CDKAL1: variants seen among roughly 807,000 people sequenced by gnomAD.
The protein encoded by CDKAL1 is threonylcarbamoyladenosine tRNA methylthiotransferase.
In CDKAL1, 32 loss-of-function variants were observed where a neutral mutation model predicts 68.2. The observed-to-expected ratio is 0.47, with a 90% CI of 0.35 to 0.63. CDKAL1 has a LOEUF of 0.63. Among genes scored for constraint, CDKAL1 ranks in the 30% least tolerant of loss-of-function variants. CDKAL1 has a pLI of 0.00. For synonymous variants in CDKAL1, 234 were observed against 244.3 expected (o/e 0.96, Z 0.39); for missense variants, 606 against 696.7 (o/e 0.87, Z 1.47).
rs36078234 is a variant in CDKAL1, at chr6:20,999,663, T to TAAAAAAAAA, written c.910-548_910-540dup. ...TACTCAAAAAATATGTGACTGAAATTAAAAAAAAAAAAAAAAAAAAAAAAG... is the reference window on the plus strand; with the variant it reads ...TACTCAAAAAATATGTGACTGAAATTAAAAAAAAAAAAAAAAAAAAAAAAAAAAAAAAAG... On this transcript the variant is annotated intron_variant, in intron 10 of 15. Coordinates refer to ENST00000274695, the MANE Select transcript of CDKAL1 (RefSeq NM_017774.3). 4.6e-4 allele frequency among the ~76,000 whole-genome samples: 43 copies of TAAAAAAAAA among 93,324 alleles called. 1 individual carries two copies. The highest frequency in any genetic ancestry group is 5.3e-4 in the Non-Finnish European group (26 of 49,252). 61.2% of individuals were successfully genotyped at this position (93,324 alleles called of 152,430 possible). A position where few individuals can be genotyped will look rare whatever the true frequency, so the allele number is the denominator to read the frequency against.
chr6:20,918,552 CA>C (rs1224355588), intron 9 of CDKAL1, among the ~76,000 whole-genome samples: 1 of 152,150 alleles, frequency 6.6e-6, no homozygotes, highest in Non-Finnish European at 1.5e-5. Context: ...TTGTACATCA[CA>C]AAAAGCATGA....
At chr6:20,553,169 AT>A (rs1210720337) in intron 4 of CDKAL1, among the ~76,000 whole-genome samples, 4 of 152,182 alleles carry the variant, frequency 2.6e-5, no homozygotes, top group African/African-American at 9.7e-5. Flanking sequence ...TGTATTTGAA[AT>A]TGCTGCTTTT....
At chr6:21,003,995 A>AC in intron 11 of CDKAL1, among the ~76,000 whole-genome samples, 1 of 152,326 alleles carries the variant, frequency 6.6e-6, no homozygotes, top group Non-Finnish European at 1.5e-5. Context: ...TGTGCCTTTA[A>AC]CAAATAAGTC....
intron 4 of CDKAL1, among the ~76,000 whole-genome samples, chr6:20,578,626 A>G (rs566833595): frequency 6.6e-6 from 1 of 152,280 alleles, no homozygotes; most frequent in Non-Finnish European, 1.5e-5. Flanking sequence ...TTCCACAGCA[A>G]CTCACATATA....
At chr6:21,060,477 C>A (rs1301571791) in intron 11 of CDKAL1, among the ~76,000 whole-genome samples, 1 of 151,974 alleles carries the variant, frequency 6.6e-6, no homozygotes, top group East Asian at 1.9e-4. Flanking sequence ...TGACTTTTTT[C>A]AAAGATGTAC....
At chr6:20,548,551 T>A in intron 3 of CDKAL1, 42 bp from the exon 4 acceptor site, 1 of 887,886 alleles carries the variant, frequency 1.1e-6, no homozygotes, top group Non-Finnish European at 1.9e-6. Context: ...AAAAAATCAC[T>A]CAATGAAACT....
At chr6:21,116,598 G>A (rs367988086) in intron 13 of CDKAL1, among the ~76,000 whole-genome samples, 10 of 151,964 alleles carry the variant, frequency 6.6e-5, no homozygotes, top group African/African-American at 2.4e-4. Context: ...GGACAGGTGG[G>A]GTCACAGTGC....
At chr6:20,655,775 C>T (rs924613564) in intron 5 of CDKAL1, among the ~76,000 whole-genome samples, 1 of 152,174 alleles carries the variant, frequency 6.6e-6, no homozygotes, top group East Asian at 1.9e-4. Flanking sequence ...CGCTGCTTTA[C>T]ACATTCCACG....
At chr6:20,922,619 A>G (rs1488562599) in intron 9 of CDKAL1, among the ~76,000 whole-genome samples, 1 of 152,240 alleles carries the variant, frequency 6.6e-6, no homozygotes, top group Non-Finnish European at 1.5e-5. Context: ...TGCAATCATT[A>G]TTAAGCTTTA....
intron 5 of CDKAL1, among the ~76,000 whole-genome samples, chr6:20,660,846 G>A (rs1769252869): frequency 6.6e-6 from 1 of 152,092 alleles, no homozygotes; most frequent in Non-Finnish European, 1.5e-5. Context: ...TTTATGTTAA[G>A]TACATTGTAA....
chr6:20,957,008 T>TAAAAAAAAA (rs70990087), intron 10 of CDKAL1, among the ~76,000 whole-genome samples: 29 of 113,786 alleles, frequency 2.5e-4, no homozygotes, highest in Middle Eastern at 4.7e-3. Flanking sequence ...TGATTCTCTG[T>TAAAAAAAAA]AAAAAAAAAA....
intron 4 of CDKAL1, among the ~76,000 whole-genome samples, chr6:20,644,689 A>G (rs908029491): frequency 4.9e-5 from 7 of 142,498 alleles, no homozygotes; most frequent in African/African-American, 1.9e-4. Context: ...AAAAACAAAA[A>G]CACAACAAAA....
At chr6:21,020,288 C>T (rs1768574721) in intron 11 of CDKAL1, among the ~76,000 whole-genome samples, 1 of 151,988 alleles carries the variant, frequency 6.6e-6, no homozygotes, top group African/African-American at 2.4e-5. Context: ...TTCCGTGGCA[C>T]CACCTGGCTG....
At chr6:20,980,025 G>A (rs1581954040) in intron 10 of CDKAL1, among the ~76,000 whole-genome samples, 1 of 152,018 alleles carries the variant, frequency 6.6e-6, no homozygotes, top group Non-Finnish European at 1.5e-5. Context: ...ACCCTCCTGA[G>A]CCTCCAAAGT....
intron 10 of CDKAL1, among the ~76,000 whole-genome samples, chr6:20,981,988 TA>T (rs774840525): frequency 5.9e-5 from 9 of 152,204 alleles, no homozygotes; most frequent in Non-Finnish European, 1.2e-4. Flanking sequence ...TTTGAAACAT[TA>T]AAAAGTCAGA....
chr6:20,537,367 G>A (rs893180293), intron 2 of CDKAL1, among the ~76,000 whole-genome samples: 3 of 152,194 alleles, frequency 2.0e-5, no homozygotes, highest in African/African-American at 7.2e-5. Flanking sequence ...AGCACTTTGG[G>A]AGGCCAAGGC....
At chr6:21,187,787 G>A (rs572824439) in intron 13 of CDKAL1, among the ~76,000 whole-genome samples, 15 of 151,842 alleles carry the variant, frequency 9.9e-5, no homozygotes, top group South Asian at 2.1e-4. Flanking sequence ...TTTTTGTGTC[G>A]TCAGTGAAAC....
chr6:21,045,477 T>G (rs1770174825), intron 11 of CDKAL1, among the ~76,000 whole-genome samples: 1 of 152,178 alleles, frequency 6.6e-6, no homozygotes, highest in African/African-American at 2.4e-5. Context: ...TATTAACATT[T>G]CTACTCCCGT....
intron 10 of CDKAL1, among the ~76,000 whole-genome samples, chr6:20,992,819 T>A (rs563838338): frequency 6.6e-5 from 10 of 151,734 alleles, no homozygotes; most frequent in Admixed American, 1.3e-4. Context: ...GGAGGATCAC[T>A]TGAGGTGAGG....
Sources: allele counts gnomAD v4.1 joint callset (sites outside exome capture counted in the v4.1 genomes callset), GRCh38; gene constraint gnomAD v4.1.1; transcripts MANE v1.5; gene names NCBI Gene and HGNC (gene_info 2026-07-23, HGNC 2026-07-21).